Variants in PPARGC1A observed in about 807,000 individuals in gnomAD.
PPARGC1A encodes the protein PPARG coactivator 1 alpha, also known as peroxisome proliferator-activated receptor gamma coactivator 1-alpha.
Under a neutral mutation model 88.7 loss-of-function variants are expected in PPARGC1A, and 25 were observed. That is an observed-to-expected ratio of 0.28 (90% CI 0.21 to 0.39). The LOEUF is 0.39. PPARGC1A is among the 10% of genes least tolerant of loss of function. The pLI is 1.00. For synonymous variants in PPARGC1A, 363 were observed against 355.6 expected (o/e 1.02, Z -0.24); for missense variants, 880 against 968.7 (o/e 0.91, Z 1.22).
the PPARGC1A span, among the ~76,000 whole-genome samples, chr4:24,212,693 T>C: frequency 6.6e-6 from 1 of 152,174 alleles, no homozygotes; most frequent in African/African-American, 2.4e-5. Flanking sequence ...AGCCCCCTAA[T>C]GTGTAAGCCC....
chr4:24,347,917 A>G, the PPARGC1A span, among the ~76,000 whole-genome samples: 1 of 151,536 alleles, frequency 6.6e-6, no homozygotes, highest in Non-Finnish European at 1.5e-5. Flanking sequence ...TTCTGTTTTG[A>G]TGTGTTTTGA....
At chr4:23,876,026 A>T (rs1714624898) in intron 2 of PPARGC1A, 1 of 152,228 alleles carries the variant, frequency 6.6e-6, no homozygotes, top group African/African-American at 2.4e-5. Flanking sequence ...GTTAAATCAC[A>T]ATTGCTTTCT....
chr4:24,307,208 A>G, the PPARGC1A span, among the ~76,000 whole-genome samples: 1 of 152,164 alleles, frequency 6.6e-6, no homozygotes, highest in South Asian at 2.1e-4. Flanking sequence ...CAGCAGTACC[A>G]TGGAAAGGGG....
At chr4:24,002,095 C>CAGAGAGAGAGAGAG in the PPARGC1A span, among the ~76,000 whole-genome samples, 405 of 116,830 alleles carry the variant, frequency 3.5e-3, 1 homozygote, top group South Asian at 0.029. Context: ...CACACACACA[C>CAGAGAGAGAGAGAG]ACAGAGAGAG....
the PPARGC1A span, among the ~76,000 whole-genome samples, chr4:24,082,823 C>T: frequency 6.6e-6 from 1 of 152,082 alleles, no homozygotes; most frequent in East Asian, 1.9e-4. Context: ...GTTCACTGGG[C>T]CCCCATCAGA....
intron 2 of PPARGC1A, among the ~76,000 whole-genome samples, chr4:23,861,767 G>C (rs560147739): frequency 6.6e-6 from 1 of 152,144 alleles, no homozygotes. Flanking sequence ...TCACAGCTAC[G>C]TGCAATTTGT....
chr4:24,120,039 T>C, the PPARGC1A span, among the ~76,000 whole-genome samples: 1 of 152,140 alleles, frequency 6.6e-6, no homozygotes, highest in Non-Finnish European at 1.5e-5. Flanking sequence ...ACAAAAAGAA[T>C]CTTACAGGCA....
chr4:24,089,960 T>G, the PPARGC1A span, among the ~76,000 whole-genome samples: 1 of 152,174 alleles, frequency 6.6e-6, no homozygotes, highest in African/African-American at 2.4e-5. Context: ...AGCCTTTTGG[T>G]AAATTAATAA....
the PPARGC1A span, among the ~76,000 whole-genome samples, chr4:24,081,679 C>T: frequency 5.9e-5 from 9 of 152,094 alleles, no homozygotes; most frequent in East Asian, 1.7e-3. Flanking sequence ...ATTTAAAGTG[C>T]CACACTCTTT....
At chr4:23,807,011 T>G (rs186545221) in intron 10 of PPARGC1A, among the ~76,000 whole-genome samples, 1 of 152,326 alleles carries the variant, frequency 6.6e-6, no homozygotes, top group Admixed American at 6.5e-5. Flanking sequence ...TTCAGCTCTC[T>G]ACGTTTGCAA....
the PPARGC1A span, among the ~76,000 whole-genome samples, chr4:24,407,257 T>C: frequency 6.6e-6 from 1 of 152,202 alleles, no homozygotes; most frequent in South Asian, 2.1e-4. Context: ...AACTGCAAAT[T>C]GCATTTGAAA....
At chr4:23,895,449 A>C (rs567915227) in intron 1 of PPARGC1A, among the ~76,000 whole-genome samples, 114 of 151,762 alleles carry the variant, frequency 7.5e-4, no homozygotes, top group African/African-American at 2.7e-3. Context: ...AGCTAAACTG[A>C]TATGTATATA....
the PPARGC1A span, among the ~76,000 whole-genome samples, chr4:24,160,399 G>A: frequency 2.0e-5 from 3 of 152,150 alleles, no homozygotes; most frequent in Admixed American, 6.6e-5. Context: ...AAAAGTATTA[G>A]CATCGTATAT....
At chr4:24,446,206 AT>A in the PPARGC1A span, among the ~76,000 whole-genome samples, 2 of 152,198 alleles carry the variant, frequency 1.3e-5, no homozygotes, top group South Asian at 4.1e-4. Flanking sequence ...GGACGGTTGA[AT>A]TTCCCCACAT....
the PPARGC1A span, among the ~76,000 whole-genome samples, chr4:23,931,914 C>T: frequency 3.3e-5 from 5 of 152,200 alleles, no homozygotes; most frequent in South Asian, 4.1e-4. Context: ...TCTCACCTTG[C>T]GGAGCCTCAG....
chr4:23,963,790 G>C, the PPARGC1A span, among the ~76,000 whole-genome samples: 2 of 152,160 alleles, frequency 1.3e-5, no homozygotes, highest in Admixed American at 6.5e-5. Context: ...GTAGATCCTG[G>C]GTGCTCCTGG....
chr4:24,351,366 G>C, the PPARGC1A span, among the ~76,000 whole-genome samples: 1 of 148,840 alleles, frequency 6.7e-6, no homozygotes, highest in Non-Finnish European at 1.5e-5. Flanking sequence ...CACTGTTCCA[G>C]CTTGGACAAC....
At chr4:24,015,640 C>A in the PPARGC1A span, among the ~76,000 whole-genome samples, 2 of 151,912 alleles carry the variant, frequency 1.3e-5, no homozygotes. Context: ...GGCGTGTGTG[C>A]GTGTGTGTGA....
chr4:23,943,718 G>T, the PPARGC1A span, among the ~76,000 whole-genome samples: 84 of 152,262 alleles, frequency 5.5e-4, no homozygotes, highest in African/African-American at 1.9e-3. Context: ...CTGTGCAGTG[G>T]AGAACCCTGG....
Sources: allele counts gnomAD v4.1 joint callset (sites outside exome capture counted in the v4.1 genomes callset), GRCh38; gene constraint gnomAD v4.1.1; transcripts MANE v1.5; gene names NCBI Gene and HGNC (gene_info 2026-07-23, HGNC 2026-07-21).